The following KIRREL3 variants were observed in gnomAD, a reference collection of about 807,000 sequenced individuals.
KIRREL3 encodes the protein kin of IRRE-like protein 3.
KIRREL3 carries 36 observed loss-of-function variants against 89.7 expected under a neutral mutation model. That is an observed-to-expected ratio of 0.40 (90% CI 0.31 to 0.53). The LOEUF is 0.53. KIRREL3 is among the 20% of genes least tolerant of loss of function. The pLI, the probability that KIRREL3 is intolerant of heterozygous loss-of-function variation, is 0.49. For synonymous variants in KIRREL3, 445 were observed against 441.4 expected, an observed-to-expected ratio of 1.01 and a Z score of -0.10; for missense variants, 864 against 1,056.6, an observed-to-expected ratio of 0.82 and a Z score of 2.53.
At chr11:126,658,398 CT>C (rs1945251099) in intron 1 of KIRREL3, among the ~76,000 whole-genome samples, 1 of 152,184 alleles carries the variant, frequency 6.6e-6, no homozygotes, top group Non-Finnish European at 1.5e-5. Context: ...TTCTGGCCTC[CT>C]TATACTTCAT....
chr11:126,894,110 C>G (rs868629550), intron 1 of KIRREL3, among the ~76,000 whole-genome samples: 48 of 152,296 alleles, frequency 3.2e-4, no homozygotes, highest in African/African-American at 1.0e-3. Context: ...GTTGGGGTGG[C>G]CCCCCAGGGT....
rs1943321692 is a variant in KIRREL3 at position 126,615,812 on chromosome 11, C to A, written c.56-52900G>T. 6.6e-6 allele frequency among the ~76,000 whole-genome samples: 1 copy of A among 152,218 alleles called. No individual in the cohort carries two copies. The highest frequency in any genetic ancestry group is 1.5e-5 in the Non-Finnish European group (1 of 68,042). On this transcript the variant is annotated intron_variant, in intron 1 of 16. Transcript: ENST00000525144. The surrounding 1 kb of genome is among the most constrained non-coding windows in gnomAD (Gnocchi z 5.4). ...AGGCTCTGGGATGGCAGTGCTCTCT[C>A]AGCAGTTATGGTCTTTTCCAGGTAA...
At chr11:126,810,745 A>AGGAGTAAT (rs1455072296) in intron 1 of KIRREL3, among the ~76,000 whole-genome samples, 1 of 152,144 alleles carries the variant, frequency 6.6e-6, no homozygotes, top group Non-Finnish European at 1.5e-5. Context: ...ATCTGTTTGG[A>AGGAGTAAT]GGAGTAATGG....
At chr11:126,794,392 C>G (rs190207294) in intron 1 of KIRREL3, among the ~76,000 whole-genome samples, 2 of 152,266 alleles carry the variant, frequency 1.3e-5, no homozygotes, top group East Asian at 3.9e-4. Flanking sequence ...GGCAGAAGAC[C>G]AGATGCCAGC....
chr11:126,861,714 T>C (rs1054487317), intron 1 of KIRREL3, among the ~76,000 whole-genome samples: 6 of 152,240 alleles, frequency 3.9e-5, no homozygotes, highest in Non-Finnish European at 5.9e-5. Flanking sequence ...CGCTGGTATA[T>C]TCACGTTTTA....
chr11:126,556,112 G>A (rs74885700), intron 2 of KIRREL3, among the ~76,000 whole-genome samples: 1,552 of 152,226 alleles, frequency 0.01, 15 homozygotes, highest in African/African-American at 0.036. Context: ...TTTGCATTTC[G>A]AAACACTGCT....
intron 4 of KIRREL3, among the ~76,000 whole-genome samples, chr11:126,482,762 C>T (rs1229558286): frequency 6.6e-6 from 1 of 152,206 alleles, no homozygotes; most frequent in East Asian, 1.9e-4. Flanking sequence ...TCCACGCTGC[C>T]CTGCCTGGCT....
intron 1 of KIRREL3, among the ~76,000 whole-genome samples, chr11:126,941,594 AT>A (rs777657149): frequency 4.6e-5 from 7 of 152,130 alleles, no homozygotes; most frequent in Non-Finnish European, 1.0e-4. Flanking sequence ...AATAAGAGGG[AT>A]GGTCTCTTCT....
chr11:126,434,950 A>G (rs2134159618), intron 13 of KIRREL3, among the ~76,000 whole-genome samples: 1 of 152,276 alleles, frequency 6.6e-6, no homozygotes, highest in South Asian at 2.1e-4. Flanking sequence ...AGCTGACCCC[A>G]GAGGCCAGGA....
rs987546203 is a variant in KIRREL3 at position 126,917,178 on chromosome 11, T to C, written c.55+83277A>G. 2.0e-5 allele frequency among the ~76,000 whole-genome samples: 3 copies of C among 152,210 alleles called. No individual in the cohort carries two copies. Among genetic ancestry groups the C allele is most frequent in the Non-Finnish European group, 2.9e-5 (2 of 68,032 alleles). The stretch of plus-strand genomic sequence containing the variant: ...TTAAAGATTCACCTTGAAAATATTA[T>C]GCTAAATCAAATGAACCAGACACAG... On this transcript the variant is annotated intron_variant, in intron 1 of 16. Coordinates refer to ENST00000525144, the MANE Select transcript of KIRREL3 (RefSeq NM_032531.4). The surrounding 1 kb of genome is among the most constrained non-coding windows in gnomAD (Gnocchi z 5.0).
intron 1 of KIRREL3, among the ~76,000 whole-genome samples, chr11:126,861,093 G>T (rs989050703): frequency 6.6e-6 from 1 of 152,162 alleles, no homozygotes; most frequent in African/African-American, 2.4e-5. Flanking sequence ...AGCTCTGGAT[G>T]TTTGAAAACT....
At position 126,431,517 on chromosome 11, in the gene KIRREL3, G is replaced by A. The variant is rs530880313; in HGVS notation, c.1598C>T (p.Pro533Leu). Reference sequence around the variant, plus strand: ...GGCCACCCCAATGATGACGGCCATCGGCACAGACTCTGTGGGAGAGAAGCG... The same window carrying A: ...GGCCACCCCAATGATGACGGCCATCAGCACAGACTCTGTGGGAGAGAAGCG... ...SGAGLEAESV[P>L]MAVIIGVAVG... The change falls in exon 14 of 17, where the codon CCG (proline) becomes CTG (leucine). Residue 533 changes from proline to leucine, a missense_variant. Pro to Leu is a moderately conservative substitution (Grantham distance 98). Coordinates refer to ENST00000525144, the MANE Select transcript of KIRREL3 (RefSeq NM_032531.4). This position sits in a 1 kb window ranked among gnomAD's most constrained non-coding sequence, Gnocchi z 7.1. The A allele has an allele frequency of 3.0e-5, 49 of 1,613,714 alleles. No homozygotes were observed. The highest frequency in any genetic ancestry group is 1.2e-4 in the Admixed American group (7 of 60,012).
chr11:126,981,224 A>G lies in KIRREL3; in HGVS notation c.55+19231T>C, dbSNP rs1329350439. On this transcript the variant is annotated intron_variant, in intron 1 of 16. Coordinates refer to ENST00000525144, the MANE Select transcript of KIRREL3 (RefSeq NM_032531.4). This position sits in a 1 kb window ranked among gnomAD's most constrained non-coding sequence, Gnocchi z 4.2. ...GCATGGCCCGTTGGACCACAGCAAGACCTTCTTATTTTTGCAAGCTATTCT... is the reference window on the plus strand; with the variant it reads ...GCATGGCCCGTTGGACCACAGCAAGGCCTTCTTATTTTTGCAAGCTATTCT... Among the ~76,000 whole-genome samples, 1 of 152,110 alleles carries G rather than the reference A, an allele frequency of 6.6e-6. No homozygotes were observed. Among genetic ancestry groups the G allele is most frequent in the Non-Finnish European group, 1.5e-5 (1 of 68,016 alleles).
In KIRREL3 at chr11:126,620,490, G is replaced by T. The variant is rs568574588; in HGVS notation, c.56-57578C>A. Among the ~76,000 whole-genome samples, 3 of 152,158 alleles carry T rather than the reference G, an allele frequency of 2.0e-5. No individual in the cohort carries two copies. The highest frequency in any genetic ancestry group is 4.4e-5 in the Non-Finnish European group (3 of 68,040). On this transcript the variant is annotated intron_variant, in intron 1 of 16. Transcript: ENST00000525144. The surrounding 1 kb of genome is among the most constrained non-coding windows in gnomAD (Gnocchi z 4.8). ...TGTGAGGCTCTAGGTCCATGAAAGG[G>T]CCCACATACACCACACACCATTGTC...
chr11:126,784,971 G>C (rs766142948), intron 1 of KIRREL3, among the ~76,000 whole-genome samples: 6 of 152,198 alleles, frequency 3.9e-5, no homozygotes, highest in Non-Finnish European at 8.8e-5. Flanking sequence ...AGCCCGGAGA[G>C]TTACAGCTCT....
At position 126,483,511 on chromosome 11, in the gene KIRREL3, C is replaced by T. The variant is rs1957274851; in HGVS notation, c.434-10045G>A. Among the ~76,000 whole-genome samples, 3 of 152,322 alleles carry T rather than the reference C, an allele frequency of 2.0e-5. No individual in the cohort carries two copies. In the South Asian group the frequency reaches 6.2e-4, roughly 32 times the overall value. ...CCCTGCTGTTTGATTCAGAACTGGG[C>T]CCACGGCATCAACTGTCTCTCCACT... is the stretch of plus-strand genomic sequence containing the variant. On this transcript the variant is annotated intron_variant, in intron 4 of 16. Coordinates refer to ENST00000525144, the MANE Select transcript of KIRREL3 (RefSeq NM_032531.4).
At chr11:126,853,870 G>C (rs1219178953) in intron 1 of KIRREL3, among the ~76,000 whole-genome samples, 1 of 152,088 alleles carries the variant, frequency 6.6e-6, no homozygotes. Context: ...TAAGAATACA[G>C]TTCTCAGTGT....
At chr11:126,442,978 C>T (rs539722060) in intron 10 of KIRREL3, among the ~76,000 whole-genome samples, 10 of 152,180 alleles carry the variant, frequency 6.6e-5, no homozygotes, top group African/African-American at 1.2e-4. Context: ...CGCCAGGGCC[C>T]GGGTTTCAGT....
rs1369268779 is a variant in KIRREL3, at chr11:126,498,721, G to A, written c.433+22594C>T. On this transcript the variant is annotated intron_variant, in intron 4 of 16. Coordinates refer to ENST00000525144, the MANE Select transcript of KIRREL3 (RefSeq NM_032531.4). The surrounding 1 kb of genome is among the most constrained non-coding windows in gnomAD (Gnocchi z 4.3). ...TCCATGGGGACAGAGCTGGCCTGGCGTCCCAGTATCCTGCTTCCTGGGAGG... is the reference window on the plus strand; with the variant it reads ...TCCATGGGGACAGAGCTGGCCTGGCATCCCAGTATCCTGCTTCCTGGGAGG... Among the ~76,000 whole-genome samples the A allele has an allele frequency of 5.9e-5, 9 of 152,122 alleles. No homozygotes were observed. Among genetic ancestry groups the A allele is most frequent in the Admixed American group, 1.3e-4 (2 of 15,268 alleles).
Sources: allele counts gnomAD v4.1 joint callset (sites outside exome capture counted in the v4.1 genomes callset), GRCh38; gene constraint gnomAD v4.1.1; non-coding constraint Gnocchi (gnomAD v3.1); transcripts MANE v1.5; gene names NCBI Gene and HGNC (gene_info 2026-07-23, HGNC 2026-07-21).